The following GRIN3A variants were observed in gnomAD, a reference collection of about 807,000 sequenced individuals.
GRIN3A encodes the protein glutamate receptor ionotropic, NMDA 3A.
A neutral mutation model predicts 92.4 loss-of-function variants in GRIN3A; 47 were observed. That is an observed-to-expected ratio of 0.51 (90% CI 0.40 to 0.65). The LOEUF (loss-of-function observed/expected upper bound fraction) is 0.65, where lower values mean the gene tolerates loss of function less well. GRIN3A is among the 30% of genes least tolerant of loss of function. The probability of loss-of-function intolerance (pLI) is 0.00; values close to 1 mark genes in which losing one functional copy is unlikely to be tolerated. For synonymous variants in GRIN3A, 527 were observed against 540.6 expected (o/e 0.97, Z 0.35); for missense variants, 1,324 against 1,393.1 (o/e 0.95, Z 0.79).
chr9:101,627,261 A>G (rs967912607), intron 4 of GRIN3A, among the ~76,000 whole-genome samples: 5 of 152,244 alleles, frequency 3.3e-5, no homozygotes, highest in Non-Finnish European at 7.3e-5. Flanking sequence ...CACATCATGT[A>G]TAATTTTGCA....
chr9:101,613,749 C>T (rs542089156), intron 5 of GRIN3A, among the ~76,000 whole-genome samples: 13 of 152,288 alleles, frequency 8.5e-5, no homozygotes, highest in Middle Eastern at 3.4e-3. Context: ...GAGGAATGGG[C>T]TGTGCACAGT....
At chr9:101,668,742 G>A (rs1216873524) in intron 3 of GRIN3A, among the ~76,000 whole-genome samples, 1 of 152,106 alleles carries the variant, frequency 6.6e-6, no homozygotes, top group African/African-American at 2.4e-5. Context: ...TTATCAGAAG[G>A]TTTGCAATAT....
At position 101,623,322 on chromosome 9, in the gene GRIN3A, T is replaced by G. The variant is rs1385840727; in HGVS notation, c.2610A>C (p.Ile870=). 3.1e-6 allele frequency: 5 copies of G among 1,602,014 alleles called. No individual in the cohort carries two copies. Among genetic ancestry groups the G allele is most frequent in the Non-Finnish European group, 4.3e-6 (5 of 1,168,946 alleles). Residue 870 remains isoleucine (I), a synonymous_variant, in exon 5 of 9, where the codon ATA becomes ATC. Transcript: ENST00000361820. The stretch of plus-strand genomic sequence containing the variant: ...TCAAGAGTGACTGATTAATACCTTC[T>G]ATGGCAAATGGCTTCCCCACAGTGA... ...KLLTVGKPFA[I]EGYGIGLPPN...
At chr9:101,727,860 G>T (rs1830097937) in intron 1 of GRIN3A, among the ~76,000 whole-genome samples, 1 of 148,388 alleles carries the variant, frequency 6.7e-6, no homozygotes, top group South Asian at 2.2e-4. Context: ...CTGTGGCCAG[G>T]TGAAGGCACA....
rs762678837 is a variant in GRIN3A, at chr9:101,573,220, G to T, written c.3302C>A (p.Thr1101Lys). 2.0e-5 allele frequency: 32 copies of T among 1,614,074 alleles called. No individual in the cohort carries two copies. The highest frequency in any genetic ancestry group is 2.7e-5 in the Non-Finnish European group (32 of 1,179,980). Residue 1101 changes from threonine (T) to lysine (K), a missense_variant, in exon 9 of 9, where the codon ACG becomes AAG. By Grantham distance (78) the Thr-to-Lys change is moderately conservative (BLOSUM62 -1). Coordinates refer to ENST00000361820, the MANE Select transcript of GRIN3A (RefSeq NM_133445.3). ...TGTCCTTTGATACTCCTCCAGCTCC[G>T]TTTTCCTGCTCACAGCCAGCTGCAG... ...QELQLAVSRK[T>K]ELEEYQRTSR...
chr9:101,580,948 C>A (rs1484996483), intron 6 of GRIN3A, among the ~76,000 whole-genome samples: 2 of 151,922 alleles, frequency 1.3e-5, no homozygotes, highest in African/African-American at 2.4e-5. Context: ...ATTAAGAAAA[C>A]CCTCACATGT....
intron 6 of GRIN3A, chr9:101,594,944 C>T (rs763371457): frequency 6.3e-7 from 1 of 1,590,914 alleles, no homozygotes; most frequent in East Asian, 2.2e-5. Context: ...GCAACGGCCA[C>T]GGCTCAAAGG....
At chr9:101,573,773 ATTTTTT>A (rs5899448) in intron 8 of GRIN3A, among the ~76,000 whole-genome samples, 8 of 92,612 alleles carry the variant, frequency 8.6e-5, no homozygotes, top group Non-Finnish European at 1.3e-4. Context: ...GGTATGGTGC[ATTTTTT>A]TTTTTTTTTT....
At chr9:101,588,320 G>T (rs1021332876) in intron 6 of GRIN3A, among the ~76,000 whole-genome samples, 8 of 152,220 alleles carry the variant, frequency 5.3e-5, no homozygotes, top group African/African-American at 1.9e-4. Context: ...GGGAGACACT[G>T]CATGAGCCTG....
intron 1 of GRIN3A, among the ~76,000 whole-genome samples, chr9:101,720,078 C>G (rs1829993206): frequency 6.6e-6 from 1 of 152,046 alleles, no homozygotes; most frequent in Admixed American, 6.6e-5. Flanking sequence ...CTTTTTTCCT[C>G]CCCTTCCAGC....
At chr9:101,709,607 C>A (rs762481728) in intron 1 of GRIN3A, among the ~76,000 whole-genome samples, 1 of 152,144 alleles carries the variant, frequency 6.6e-6, no homozygotes, top group Non-Finnish European at 1.5e-5. Context: ...TTTACTTGCT[C>A]GGTAAAATAA....
chr9:101,638,252 C>A (rs1038813495), intron 3 of GRIN3A, among the ~76,000 whole-genome samples: 3 of 152,168 alleles, frequency 2.0e-5, no homozygotes, highest in African/African-American at 7.2e-5. Context: ...ACTATGGAGA[C>A]CAAGCCAACA....
chr9:101,574,622 C>T (rs1827805319), intron 8 of GRIN3A, among the ~76,000 whole-genome samples: 1 of 152,144 alleles, frequency 6.6e-6, no homozygotes, highest in Non-Finnish European at 1.5e-5. Context: ...CATAAACCTT[C>T]TTTTCTCCTT....
Position 101,573,236 on chromosome 9 carries a change from C to T in GRIN3A, c.3286G>A (p.Ala1096Thr). The change falls in exon 9 of 9, where the codon GCT becomes ACT. Residue 1096 changes from alanine (A) to threonine (T), a missense_variant. Coordinates refer to ENST00000361820, the MANE Select transcript of GRIN3A (RefSeq NM_133445.3). ...TCCAGCTCCGTTTTCCTGCTCACAG[C>T]CAGCTGCAGCTCCTGACGGATCACC... ...IQVIRQELQL[A>T]VSRKTELEEY... 1.2e-6 allele frequency: 2 copies of T among 1,614,140 alleles called. No homozygotes were observed. The highest frequency in any genetic ancestry group is 1.7e-6 in the Non-Finnish European group (2 of 1,179,980).
At chr9:101,616,770 T>A (rs909229823) in intron 5 of GRIN3A, among the ~76,000 whole-genome samples, 1 of 140,386 alleles carries the variant, frequency 7.1e-6, no homozygotes. Context: ...AGGGATAGCA[T>A]TGGGAGATAT....
intron 1 of GRIN3A, among the ~76,000 whole-genome samples, chr9:101,698,072 T>C (rs1312788772): frequency 6.6e-6 from 1 of 152,204 alleles, no homozygotes; most frequent in African/African-American, 2.4e-5. Context: ...TTCTCCACTG[T>C]GACAAACATA....
chr9:101,621,050 C>T (rs138389557), intron 5 of GRIN3A, among the ~76,000 whole-genome samples: 10 of 152,018 alleles, frequency 6.6e-5, no homozygotes, highest in East Asian at 5.8e-4. Context: ...TTTGGGAGGC[C>T]GAGGTGGGAG....
At chr9:101,594,436 G>C (rs758405374) in intron 6 of GRIN3A, 4 of 1,610,426 alleles carry the variant, frequency 2.5e-6, no homozygotes, top group Non-Finnish European at 2.5e-6. Context: ...GCTTCTTGTG[G>C]ATCTCCAGGT....
At chr9:101,713,433 A>G (rs1023803201) in intron 1 of GRIN3A, among the ~76,000 whole-genome samples, 15 of 152,232 alleles carry the variant, frequency 9.9e-5, no homozygotes, top group Non-Finnish European at 2.1e-4. Context: ...GATGCCTTCT[A>G]AGATTTTGAA....
Sources: allele counts gnomAD v4.1 joint callset (sites outside exome capture counted in the v4.1 genomes callset), GRCh38; gene constraint gnomAD v4.1.1; transcripts MANE v1.5; gene names NCBI Gene and HGNC (gene_info 2026-07-23, HGNC 2026-07-21).